Variants in VPS13C observed in about 807,000 individuals in gnomAD.
VPS13C encodes vacuolar protein sorting 13 homolog C.
A neutral mutation model predicts 456.8 loss-of-function variants in VPS13C; 358 were observed. The observed-to-expected ratio is 0.78, with a 90% CI of 0.72 to 0.86. The LOEUF is 0.86. Among genes scored for constraint, VPS13C ranks in the 40% least tolerant of loss-of-function variants. VPS13C has a pLI of 0.00. For synonymous variants in VPS13C, 1,578 were observed against 1,486.7 expected, an observed-to-expected ratio of 1.06 and a Z score of -1.41; for missense variants, 4,818 against 4,385.4, an observed-to-expected ratio of 1.10 and a Z score of -2.79.
intron 18 of VPS13C, among the ~76,000 whole-genome samples, chr15:61,990,364 A>T (rs2046186610): frequency 1.3e-5 from 2 of 152,210 alleles, no homozygotes; most frequent in South Asian, 4.1e-4. Flanking sequence ...TCAATCAAAT[A>T]GGCAGTACAT....
chr15:62,011,605 T>C (rs900345332), intron 12 of VPS13C, among the ~76,000 whole-genome samples: 7 of 151,466 alleles, frequency 4.6e-5, no homozygotes, highest in African/African-American at 1.5e-4. Flanking sequence ...AGAAAACAGA[T>C]GGAAAAAATA....
intron 66 of VPS13C, among the ~76,000 whole-genome samples, chr15:61,900,943 A>C (rs2042978820): frequency 6.6e-6 from 1 of 152,110 alleles, no homozygotes; most frequent in Admixed American, 6.5e-5. Context: ...CGGAGCCCTC[A>C]GAAATAACGC....
At chr15:61,934,719 C>T (rs147856735) in intron 48 of VPS13C, among the ~76,000 whole-genome samples, 2 of 152,194 alleles carry the variant, frequency 1.3e-5, no homozygotes, top group East Asian at 3.9e-4. Flanking sequence ...TTCTGCTAGA[C>T]TAATGCACCT....
intron 8 of VPS13C, among the ~76,000 whole-genome samples, chr15:62,021,547 G>A (rs1237574289): frequency 6.6e-6 from 1 of 151,826 alleles, no homozygotes; most frequent in Admixed American, 6.6e-5. Flanking sequence ...TTAAAGAAAA[G>A]TCTTATAGAA....
At chr15:62,034,901 T>A in intron 4 of VPS13C, 56 bp downstream of exon 4, 1 of 1,193,752 alleles carries the variant, frequency 8.4e-7, no homozygotes, top group Non-Finnish European at 1.2e-6. Context: ...TTAACTCAGA[T>A]AACAATTTAA....
intron 1 of VPS13C, among the ~76,000 whole-genome samples, chr15:62,059,162 T>C (rs2048903807): frequency 6.6e-6 from 1 of 152,200 alleles, no homozygotes. Flanking sequence ...TATTGAGGTA[T>C]TATTTTTTTC....
At position 61,922,486 on chromosome 15, in the gene VPS13C, C is replaced by A. The variant is rs766644129; in HGVS notation, c.6886G>T (p.Val2296Leu). 3.1e-6 allele frequency: 5 copies of A among 1,614,010 alleles called. No homozygotes were observed. The highest frequency in any genetic ancestry group is 4.2e-6 in the Non-Finnish European group (5 of 1,179,958). The change falls in exon 54 of 85, where the codon GTA becomes TTA. Residue 2296 changes from valine (V) to leucine (L), a missense_variant. Coordinates refer to ENST00000644861, the MANE Select transcript of VPS13C (RefSeq NM_020821.3). ...TTAGACTCTGCCAATAATAAAGGTA[C>A]AGTTCGATGTCCAAGGCCACATTCT... ...TLECGLGHRT[V>L]PLLLAESKFS...
At chr15:62,050,846 G>C (rs889230537) in intron 1 of VPS13C, among the ~76,000 whole-genome samples, 1 of 149,024 alleles carries the variant, frequency 6.7e-6, no homozygotes, top group African/African-American at 2.5e-5. Flanking sequence ...GATCAAAACT[G>C]GATCAAAATT....
intron 14 of VPS13C, 57 bp from the exon 15 acceptor site, chr15:62,007,536 GAA>G (rs1174294445): frequency 2.2e-6 from 3 of 1,391,332 alleles, no homozygotes; most frequent in Non-Finnish European, 2.8e-6. Context: ...GAGAAAACAG[GAA>G]AAGTCTTGAC....
At chr15:62,017,463 T>G in intron 9 of VPS13C, among the ~76,000 whole-genome samples, 2 of 152,186 alleles carry the variant, frequency 1.3e-5, no homozygotes, top group African/African-American at 4.8e-5. Flanking sequence ...GATTTTTGTA[T>G]AAGGTGTAAG....
Position 61,927,215 on chromosome 15 carries a change from G to C in VPS13C, c.6392C>G (p.Ser2131Trp), listed in dbSNP as rs755887725. ...TKADAPALTA[S>W]FQCNLSLSTS... The stretch of plus-strand genomic sequence containing the variant: ...TGACAGAGAAAGGTTGCACTGAAAC[G>C]AGGCTGTCAGAGCAGGAGCATCAGC... Residue 2131 changes from serine (S) to tryptophan (W), a missense_variant, in exon 52 of 85, where the codon TCG becomes TGG. Physicochemically the swap from Ser to Trp is radical, Grantham distance 177 (BLOSUM62 -3). Coordinates refer to ENST00000644861, the MANE Select transcript of VPS13C (RefSeq NM_020821.3). 1 of 1,614,054 alleles carries C rather than the reference G, an allele frequency of 6.2e-7. No individual in the cohort carries two copies. Among genetic ancestry groups the C allele is most frequent in the Non-Finnish European group, 8.5e-7 (1 of 1,180,026 alleles).
intron 20 of VPS13C, 121 bp from the exon 21 acceptor site, chr15:61,982,694 T>C: frequency 1.6e-6 from 1 of 633,332 alleles, no homozygotes; most frequent in African/African-American, 1.8e-5. Context: ...CCTAAGATAT[T>C]CTGTCCTACT....
chr15:61,852,996 ATGT>A lies in VPS13C; in HGVS notation c.*1458_*1460del, dbSNP rs1182632325. The A allele has an allele frequency of 1.3e-5, 2 of 152,202 alleles. No homozygotes were observed. Among genetic ancestry groups the A allele is most frequent in the African/African-American group, 2.4e-5 (1 of 41,456 alleles). The allele number at this position is 152,202 out of a possible 1,614,324, so 9.4% of individuals were successfully genotyped here. On this transcript the variant is annotated 3_prime_UTR_variant, in exon 85 of 85. Coordinates refer to ENST00000644861, the MANE Select transcript of VPS13C (RefSeq NM_020821.3). ...CCATGAATTCAGTGATTTGAAATAA[ATGT>A]TGTTATGTTAAACATTATGAGCAAA...
intron 66 of VPS13C, among the ~76,000 whole-genome samples, chr15:61,905,583 T>A (rs1360478229): frequency 6.6e-6 from 1 of 152,144 alleles, no homozygotes; most frequent in Non-Finnish European, 1.5e-5. Context: ...ATCGTAAGAA[T>A]TAGTGATAAT....
At chr15:61,967,474 G>A in intron 28 of VPS13C, 27 bp from the exon 29 acceptor site, 1 of 1,524,328 alleles carries the variant, frequency 6.6e-7, no homozygotes, top group South Asian at 1.2e-5. Context: ...GGAAAAAAAA[G>A]TGTTTCAAAT....
At chr15:62,000,416 C>A in intron 16 of VPS13C, 148 bp downstream of exon 16, 1 of 687,636 alleles carries the variant, frequency 1.5e-6, no homozygotes, top group Non-Finnish European at 2.4e-6. Flanking sequence ...ATATTAGTGG[C>A]TTTTTTTCAG....
chr15:61,897,855 A>T (rs538534851), intron 66 of VPS13C, among the ~76,000 whole-genome samples: 1 of 152,304 alleles, frequency 6.6e-6, no homozygotes, highest in South Asian at 2.1e-4. Flanking sequence ...CCAGAGAGAA[A>T]GGTCGGGTTA....
intron 83 of VPS13C, among the ~76,000 whole-genome samples, chr15:61,855,721 T>C (rs901047500): frequency 6.6e-6 from 1 of 152,062 alleles, no homozygotes; most frequent in Non-Finnish European, 1.5e-5. Context: ...TTTAGAATAA[T>C]AATTTATAGT....
chr15:62,025,295 C>A (rs1247964996), intron 6 of VPS13C, among the ~76,000 whole-genome samples: 2 of 152,086 alleles, frequency 1.3e-5, no homozygotes, highest in Non-Finnish European at 2.9e-5. Context: ...TCCTCAACTA[C>A]AAAAATAAAA....
Sources: gnomAD v4.1 joint callset for allele counts (sites outside exome capture counted in the v4.1 genomes callset) on GRCh38, gnomAD v4.1.1 for gene constraint, MANE v1.5 for transcripts, NCBI Gene and HGNC (gene_info 2026-07-23, HGNC 2026-07-21) for gene names.